NKAIN2: variants seen among roughly 807,000 people sequenced by gnomAD.
The protein encoded by NKAIN2 is sodium/potassium transporting ATPase interacting 2.
A neutral mutation model predicts 32.6 loss-of-function variants in NKAIN2; 14 were observed. The observed-to-expected ratio is 0.43, with a 90% CI of 0.28 to 0.67. NKAIN2 has a LOEUF of 0.67. NKAIN2 is among the 30% of genes least tolerant of loss of function. The probability of loss-of-function intolerance (pLI) is 0.17; values close to 1 mark genes in which losing one functional copy is unlikely to be tolerated. For missense variants in NKAIN2, 198 were observed against 258.3 expected (o/e 0.77, Z 1.60); for synonymous variants, 80 against 87.2 (o/e 0.92, Z 0.46).
chr6:124,369,880 A>ATTTTTTTTTTTTTTTTTTTTTTTTTTTTT (rs61588781), intron 3 of NKAIN2, among the ~76,000 whole-genome samples: 2 of 82,372 alleles, frequency 2.4e-5, no homozygotes, highest in African/African-American at 1.1e-4. Flanking sequence ...CAGAATGTCA[A>ATTTTTTTTTTTTTTTTTTTTTTTTTTTTT]TTTTTTTTTT....
chr6:124,518,848 G>A (rs1779021667), intron 3 of NKAIN2, among the ~76,000 whole-genome samples: 2 of 152,168 alleles, frequency 1.3e-5, no homozygotes, highest in Non-Finnish European at 2.9e-5. Flanking sequence ...GATTTTGAAA[G>A]ATATCATTTG....
chr6:124,581,056 A>C (rs1288424162), intron 3 of NKAIN2, among the ~76,000 whole-genome samples: 1 of 152,228 alleles, frequency 6.6e-6, no homozygotes, highest in Non-Finnish European at 1.5e-5. Context: ...ATTAGAGCTA[A>C]AGAGAGAGAT....
At chr6:124,333,677 A>AC (rs199993620) in intron 2 of NKAIN2, among the ~76,000 whole-genome samples, 2,223 of 151,440 alleles carry the variant, frequency 0.015, 30 homozygotes, top group Non-Finnish European at 0.022. Context: ...ATAAATAAAT[A>AC]AATAAATACA....
chr6:124,192,751 T>TG (rs1562413455), intron 1 of NKAIN2, among the ~76,000 whole-genome samples: 14 of 135,712 alleles, frequency 1.0e-4, no homozygotes, highest in African/African-American at 2.5e-4. Flanking sequence ...GTTTTTTTTT[T>TG]TTTTTTTTTT....
chr6:124,275,825 ATAAT>A (rs60440345), intron 1 of NKAIN2, among the ~76,000 whole-genome samples: 25,333 of 151,978 alleles, frequency 0.17, 3,997 homozygotes, highest in African/African-American at 0.42. Context: ...GAAATATAAA[ATAAT>A]TAATAATAGC....
chr6:123,998,163 G>A (rs1243384855), intron 1 of NKAIN2, among the ~76,000 whole-genome samples: 1 of 152,032 alleles, frequency 6.6e-6, no homozygotes, highest in Admixed American at 6.6e-5. Context: ...GGAAAAAAGT[G>A]ACCTATCAAA....
intron 4 of NKAIN2, among the ~76,000 whole-genome samples, chr6:124,695,537 G>A (rs904091239): frequency 6.6e-6 from 1 of 152,142 alleles, no homozygotes. Context: ...ATAATGCAAT[G>A]GTCTTATATT....
intron 4 of NKAIN2, among the ~76,000 whole-genome samples, chr6:124,688,417 C>A (rs77024581): frequency 0.03 from 4,634 of 152,106 alleles, 88 homozygotes; most frequent in East Asian, 0.071. Flanking sequence ...CAGCCTCCCC[C>A]ATTATCAGCA....
chr6:124,179,345 G>C (rs1468477696), intron 1 of NKAIN2, among the ~76,000 whole-genome samples: 1 of 152,128 alleles, frequency 6.6e-6, no homozygotes, highest in Non-Finnish European at 1.5e-5. Context: ...TCTGTGTGTA[G>C]GTAGTGAAGG....
In NKAIN2 at chr6:124,296,037, A is replaced by T. The variant is rs556783162; in HGVS notation, c.192+12895A>T. On this transcript the variant is annotated intron_variant, in intron 2 of 6. Coordinates refer to ENST00000368417, the MANE Select transcript of NKAIN2 (RefSeq NM_001040214.3). ...TAAAGAACAGCATAATTCTATTTTT[A>T]AAATTATAAATTTAAAAAATTGTAA... Among the ~76,000 whole-genome samples, 4 of 152,226 alleles carry T rather than the reference A, an allele frequency of 2.6e-5. No individual in the cohort carries two copies. The South Asian group carries it at 8.3e-4, about 32-fold the overall frequency.
At chr6:124,796,640 G>A (rs1582538641) in intron 5 of NKAIN2, among the ~76,000 whole-genome samples, 1 of 152,250 alleles carries the variant, frequency 6.6e-6, no homozygotes, top group South Asian at 2.1e-4. Context: ...TCCTGCTGTG[G>A]TGTGATCTGC....
At chr6:124,558,163 G>A (rs1780547337) in intron 3 of NKAIN2, among the ~76,000 whole-genome samples, 1 of 152,214 alleles carries the variant, frequency 6.6e-6, no homozygotes, top group South Asian at 2.1e-4. Context: ...AATAGGTGAT[G>A]AAGTTATTTT....
At chr6:124,358,071 C>A (rs983656303) in intron 3 of NKAIN2, among the ~76,000 whole-genome samples, 1 of 152,138 alleles carries the variant, frequency 6.6e-6, no homozygotes, top group South Asian at 2.1e-4. Flanking sequence ...TGATGGTTTC[C>A]AGCTTCATCT....
intron 1 of NKAIN2, among the ~76,000 whole-genome samples, chr6:124,180,109 CTGTG>C (rs375274872): frequency 1.3e-5 from 2 of 149,616 alleles, no homozygotes; most frequent in Admixed American, 6.7e-5. Flanking sequence ...TAGATATCTA[CTGTG>C]TGTGTGTGTG....
rs138239965 is a variant in NKAIN2 at position 124,058,677 on chromosome 6, G to A, written c.55-224328G>A. Among the ~76,000 whole-genome samples, 95 of 152,124 alleles carry A rather than the reference G, an allele frequency of 6.2e-4. 2 individuals are homozygous for A. The East Asian group carries it at 0.018, about 29-fold the overall frequency. Reference sequence around the variant, plus strand: ...AGCCACACTCAGTCACCTGTTTTTTGTATGACCCTTGAGCTAAGAATGGTT... The same window carrying A: ...AGCCACACTCAGTCACCTGTTTTTTATATGACCCTTGAGCTAAGAATGGTT... On this transcript the variant is annotated intron_variant, in intron 1 of 6. Transcript: ENST00000368417.
At chr6:123,888,444 A>G (rs1773834051) in intron 1 of NKAIN2, among the ~76,000 whole-genome samples, 1 of 152,174 alleles carries the variant, frequency 6.6e-6, no homozygotes, top group Non-Finnish European at 1.5e-5. Context: ...GAAAATGTAC[A>G]GAAGGAGCAT....
chr6:124,415,885 T>TG (rs2114516473), intron 3 of NKAIN2, among the ~76,000 whole-genome samples: 1 of 147,694 alleles, frequency 6.8e-6, no homozygotes, highest in African/African-American at 2.5e-5. Flanking sequence ...TTGCTTTTTT[T>TG]TTTTTTTTTT....
chr6:124,157,983 A>C (rs1481377079), intron 1 of NKAIN2, among the ~76,000 whole-genome samples: 3 of 152,224 alleles, frequency 2.0e-5, no homozygotes, highest in Admixed American at 2.0e-4. Context: ...AGTTTTGTGC[A>C]AAAGTCTAAA....
intron 4 of NKAIN2, among the ~76,000 whole-genome samples, chr6:124,789,673 A>G (rs1240394397): frequency 6.6e-6 from 1 of 151,974 alleles, no homozygotes. Context: ...AAACAGGAAA[A>G]TAGGAGACAT....
Sources: allele counts gnomAD v4.1 joint callset (sites outside exome capture counted in the v4.1 genomes callset), GRCh38; gene constraint gnomAD v4.1.1; transcripts MANE v1.5; gene names NCBI Gene and HGNC (gene_info 2026-07-23, HGNC 2026-07-21).